AK9: variants seen among roughly 807,000 people sequenced by gnomAD.
AK9 encodes the protein adenylate kinase domain containing 1.
A neutral mutation model predicts 239.6 loss-of-function variants in AK9; 191 were observed. The observed-to-expected ratio is 0.80, with a 90% CI of 0.71 to 0.90. The LOEUF is 0.90. AK9 is among the 40% of genes least tolerant of loss of function. The pLI, the probability that AK9 is intolerant of heterozygous loss-of-function variation, is 0.00. For synonymous variants in AK9, 689 were observed against 721.0 expected (o/e 0.96, Z 0.71); for missense variants, 1,995 against 2,214.7 (o/e 0.90, Z 1.99).
intron 17 of AK9, among the ~76,000 whole-genome samples, chr6:109,590,470 T>G (rs894756173): frequency 1.3e-5 from 2 of 152,090 alleles, no homozygotes; most frequent in African/African-American, 4.8e-5. Flanking sequence ...CACTTGATTA[T>G]CTAGCTATCA....
intron 24 of AK9, among the ~76,000 whole-genome samples, chr6:109,551,077 A>G (rs1248790669): frequency 6.6e-6 from 1 of 152,180 alleles, no homozygotes; most frequent in Non-Finnish European, 1.5e-5. Context: ...CATATATAGT[A>G]TTTTTAAAAA....
chr6:109,621,929 A>C (rs1794897757), intron 12 of AK9, among the ~76,000 whole-genome samples: 1 of 136,768 alleles, frequency 7.3e-6, no homozygotes, highest in Non-Finnish European at 1.6e-5. Context: ...AAAAACAGAA[A>C]GAGAAATTCC....
At chr6:109,545,441 G>A (rs146569519) in intron 26 of AK9, among the ~76,000 whole-genome samples, 2,061 of 152,268 alleles carry the variant, frequency 0.014, 39 homozygotes, top group African/African-American at 0.047. Context: ...ATGGGGGCAG[G>A]CCTTTCCCAT....
chr6:109,502,341 A>G (rs1460221296), intron 35 of AK9, among the ~76,000 whole-genome samples: 1 of 152,186 alleles, frequency 6.6e-6, no homozygotes, highest in African/African-American at 2.4e-5. Flanking sequence ...ACAGACAGAT[A>G]CGGAAGGGAG....
intron 21 of AK9, among the ~76,000 whole-genome samples, chr6:109,572,612 A>G (rs1483803714): frequency 6.6e-6 from 1 of 152,194 alleles, no homozygotes; most frequent in Non-Finnish European, 1.5e-5. Context: ...AATGAAACAC[A>G]TGCACATATG....
chr6:109,544,753 T>C (rs1333530944), intron 26 of AK9, among the ~76,000 whole-genome samples: 1 of 152,182 alleles, frequency 6.6e-6, no homozygotes, highest in Non-Finnish European at 1.5e-5. Context: ...AGAGAACAGA[T>C]TAATACAGTA....
At chr6:109,657,083 T>C (rs1799791953) in intron 7 of AK9, among the ~76,000 whole-genome samples, 199 bp from the exon 8 acceptor site, 1 of 152,172 alleles carries the variant, frequency 6.6e-6, no homozygotes, top group Admixed American at 6.5e-5. Context: ...AAGCTTTAAA[T>C]TGACCTGGAT....
chr6:109,522,071 A>G (rs1353647692), intron 29 of AK9, among the ~76,000 whole-genome samples: 1 of 152,046 alleles, frequency 6.6e-6, no homozygotes, highest in East Asian at 1.9e-4. Context: ...CTAGGCTGAA[A>G]ACCATTTTCA....
chr6:109,508,766 C>T (rs1386439948), intron 33 of AK9, among the ~76,000 whole-genome samples: 2 of 152,164 alleles, frequency 1.3e-5, no homozygotes, highest in East Asian at 3.9e-4. Flanking sequence ...GGGAGAGGCA[C>T]TGCTACCCGT....
intron 1 of AK9, among the ~76,000 whole-genome samples, chr6:109,683,721 T>A (rs776419390): frequency 6.6e-6 from 1 of 152,210 alleles, no homozygotes; most frequent in Non-Finnish European, 1.5e-5. Context: ...CAAGGAGAAT[T>A]ACAAACCACT....
intron 16 of AK9, 142 bp downstream of exon 16, chr6:109,611,868 T>A (rs1793625752): frequency 3.3e-6 from 2 of 614,726 alleles, no homozygotes; most frequent in Non-Finnish European, 5.6e-6. Flanking sequence ...AGAGTAGCCA[T>A]TAAAATAGAG....
chr6:109,641,280 C>T (rs1047920453), intron 10 of AK9, among the ~76,000 whole-genome samples: 3 of 149,856 alleles, frequency 2.0e-5, no homozygotes, highest in South Asian at 2.1e-4. Flanking sequence ...GCAATCCTCC[C>T]GTCTCAGCTC....
chr6:109,595,843 G>T (rs1007803474), intron 17 of AK9, among the ~76,000 whole-genome samples: 2 of 152,058 alleles, frequency 1.3e-5, no homozygotes, highest in African/African-American at 4.8e-5. Context: ...ACACACCAGG[G>T]CCTGTCATTG....
chr6:109,643,637 C>A lies in AK9; in HGVS notation c.834+977G>T, dbSNP rs375068326. Among the ~76,000 whole-genome samples the A allele has an allele frequency of 2.8e-4, 42 of 152,278 alleles. No individual in the cohort carries two copies. The South Asian group carries it at 8.5e-3, about 31-fold the overall frequency. ...CTGGCTTAAAACCTTTCACTGGATG[C>A]CTATTCCCTCATGTTGAGGTCCAAA... On this transcript the variant is annotated intron_variant, in intron 9 of 40. Transcript: ENST00000424296.
intron 24 of AK9, among the ~76,000 whole-genome samples, chr6:109,552,364 T>A (rs1023069574): frequency 5.3e-5 from 8 of 152,208 alleles, no homozygotes. Flanking sequence ...CTCACCAGCA[T>A]CTGTCATTTC....
intron 17 of AK9, among the ~76,000 whole-genome samples, chr6:109,599,637 T>C (rs1229975370): frequency 6.6e-6 from 1 of 152,204 alleles, no homozygotes; most frequent in Non-Finnish European, 1.5e-5. Context: ...TTGATGGGGA[T>C]GGCATTGAAT....
chr6:109,561,811 T>C (rs1054415117), intron 24 of AK9, among the ~76,000 whole-genome samples: 1 of 152,214 alleles, frequency 6.6e-6, no homozygotes, highest in Non-Finnish European at 1.5e-5. Context: ...TTTCTTCATG[T>C]TTCTTGTGCT....
intron 7 of AK9, among the ~76,000 whole-genome samples, chr6:109,657,801 A>C (rs1019937125): frequency 5.3e-5 from 8 of 152,080 alleles, no homozygotes; most frequent in African/African-American, 1.7e-4. Flanking sequence ...CATGTGCCAC[A>C]CAAGTTTCTA....
intron 1 of AK9, among the ~76,000 whole-genome samples, chr6:109,677,773 A>T (rs1224658315): frequency 6.6e-6 from 1 of 152,250 alleles, no homozygotes; most frequent in African/African-American, 2.4e-5. Context: ...ATCTGAAGAG[A>T]CATTTCATCA....
Sources: gnomAD v4.1 joint callset for allele counts (sites outside exome capture counted in the v4.1 genomes callset) on GRCh38, gnomAD v4.1.1 for gene constraint, MANE v1.5 for transcripts, NCBI Gene and HGNC (gene_info 2026-07-23, HGNC 2026-07-21) for gene names.